GAS2: variants seen among roughly 807,000 people sequenced by gnomAD.
GAS2 encodes growth arrest-specific protein 2.
Under a neutral mutation model 37.5 loss-of-function variants are expected in GAS2, and 20 were observed. That is an observed-to-expected ratio of 0.53 (90% confidence interval 0.37 to 0.77). GAS2 has a LOEUF of 0.77. GAS2 is among the 30% of genes least tolerant of loss of function. The pLI is 0.00. For missense variants in GAS2, 336 were observed against 373.4 expected (o/e 0.90, Z 0.82); for synonymous variants, 144 against 132.2 (o/e 1.09, Z -0.61).
chr11:22,661,330 T>A (rs944918481), intron 1 of GAS2, among the ~76,000 whole-genome samples: 5 of 152,166 alleles, frequency 3.3e-5, no homozygotes, highest in Non-Finnish European at 7.3e-5. Context: ...TTATGATTTA[T>A]TTATTTATTT....
rs564970023 is a variant in GAS2, at chr11:22,788,364, G to A, written c.724-23434G>A. Among the ~76,000 whole-genome samples the A allele has an allele frequency of 7.2e-5, 11 of 152,222 alleles. No homozygotes were observed. The South Asian group carries it at 2.3e-3, about 32-fold the overall frequency. On this transcript the variant is annotated intron_variant, in intron 7 of 7. Transcript: ENST00000454584. ...TATAGAATAGGATTTTTCAAACTCAGGCTCTTGATATTTTGAATGAGATGA... is the reference window on the plus strand; with the variant it reads ...TATAGAATAGGATTTTTCAAACTCAAGCTCTTGATATTTTGAATGAGATGA...
chr11:22,735,733 C>T (rs958093804), intron 4 of GAS2, among the ~76,000 whole-genome samples: 1 of 151,666 alleles, frequency 6.6e-6, no homozygotes, highest in African/African-American at 2.4e-5. Flanking sequence ...GTTAAAGAAC[C>T]ATTATTATCA....
chr11:22,765,919 A>T lies in GAS2; in HGVS notation c.723+9966A>T, dbSNP rs568940735. ...GGAAGTTTCTATACACGGTGGAAGA[A>T]AAAGAGGGAGCAGGTACTTCACACG... On this transcript the variant is annotated intron_variant, in intron 7 of 7. Transcript: ENST00000454584. Among the ~76,000 whole-genome samples, 137 of 152,312 alleles carry T rather than the reference A, an allele frequency of 9.0e-4. 1 individual carries two copies. Among genetic ancestry groups the T allele is most frequent in the African/African-American group, 3.0e-3 (123 of 41,578 alleles).
rs1047356270 is a variant in GAS2, at chr11:22,728,609, C to T, written c.409+2176C>T. Among the ~76,000 whole-genome samples, 4 of 151,432 alleles carry T rather than the reference C, an allele frequency of 2.6e-5. No homozygotes were observed. In the South Asian group the frequency reaches 8.3e-4, roughly 32 times the overall value. ...TAAAAATTTAAAAATCTTTTGTAAACTTCTCAGTACCAAGTTAAATTAATT... is the reference window on the plus strand; with the variant it reads ...TAAAAATTTAAAAATCTTTTGTAAATTTCTCAGTACCAAGTTAAATTAATT... On this transcript the variant is annotated intron_variant, in intron 4 of 7. Transcript: ENST00000454584.
intron 7 of GAS2, among the ~76,000 whole-genome samples, chr11:22,773,050 A>C (rs1855068450): frequency 6.6e-6 from 1 of 152,114 alleles, no homozygotes; most frequent in African/African-American, 2.4e-5. Context: ...GTAGAGTGCT[A>C]AGAGGTTCAG....
At chr11:22,750,897 A>G (rs1853690684) in intron 6 of GAS2, among the ~76,000 whole-genome samples, 1 of 151,816 alleles carries the variant, frequency 6.6e-6, no homozygotes, top group Non-Finnish European at 1.5e-5. Flanking sequence ...ACCACTAAAG[A>G]GTATCTGGCT....
chr11:22,804,323 C>G (rs1479829649), intron 7 of GAS2, among the ~76,000 whole-genome samples: 1 of 152,084 alleles, frequency 6.6e-6, no homozygotes, highest in Non-Finnish European at 1.5e-5. Context: ...GCAGGCAATT[C>G]AGGAGACAGA....
chr11:22,741,334 G>A (rs1853067941), intron 5 of GAS2, among the ~76,000 whole-genome samples: 1 of 151,768 alleles, frequency 6.6e-6, no homozygotes. Context: ...CTGTGTAAAA[G>A]CAAGTTAATA....
intron 2 of GAS2, among the ~76,000 whole-genome samples, chr11:22,682,381 G>A (rs1849721810): frequency 6.6e-6 from 1 of 151,876 alleles, no homozygotes; most frequent in African/African-American, 2.4e-5. Context: ...TCTTCAAATT[G>A]CCATAGAACT....
At chr11:22,767,560 T>G (rs1395946899) in intron 7 of GAS2, among the ~76,000 whole-genome samples, 1 of 150,820 alleles carries the variant, frequency 6.6e-6, no homozygotes, top group Non-Finnish European at 1.5e-5. Context: ...TGATTTTTTT[T>G]GCAAAGGGGA....
At chr11:22,676,378 T>C (rs1429341459) in intron 2 of GAS2, among the ~76,000 whole-genome samples, 1 of 152,164 alleles carries the variant, frequency 6.6e-6, no homozygotes, top group East Asian at 1.9e-4. Context: ...ATTATTAAAT[T>C]TGAGCTATCA....
rs558291525 is a variant in GAS2, at chr11:22,811,952, A to C, written c.878A>C (p.Asp293Ala). The C allele has an allele frequency of 2.5e-5, 41 of 1,614,142 alleles. No homozygotes were observed. Among genetic ancestry groups the C allele is most frequent in the Admixed American group, 1.5e-4 (9 of 60,000 alleles). The change falls in exon 8 of 8, where the codon GAC (aspartate) becomes GCC (alanine). Residue 293 changes from aspartate (D) to alanine (A), a missense_variant. Physicochemically the swap from Asp to Ala is moderately radical, Grantham distance 126. Coordinates refer to ENST00000454584, the MANE Select transcript of GAS2 (RefSeq NM_001143830.3). ...PIQSKSPTLK[D>A]MNPDNYLVVS... ...CAAAGCAAATCTCCAACTCTAAAGG[A>C]CATGAATCCAGATAACTACTTGGTG... is the stretch of plus-strand genomic sequence containing the variant.
At chr11:22,769,327 A>G (rs960923351) in intron 7 of GAS2, among the ~76,000 whole-genome samples, 19 of 152,356 alleles carry the variant, frequency 1.2e-4, no homozygotes, top group Admixed American at 1.2e-3. Flanking sequence ...TAACATGTCC[A>G]ACCTTGAAGA....
At chr11:22,749,060 T>C in intron 5 of GAS2, 60 bp from the exon 6 acceptor site, 2 of 1,448,432 alleles carry the variant, frequency 1.4e-6, no homozygotes, top group Non-Finnish European at 1.9e-6. Context: ...TCACATGTAA[T>C]ATATGGTAAT....
chr11:22,629,884 C>G (rs1196792002), intron 1 of GAS2, among the ~76,000 whole-genome samples: 2 of 152,050 alleles, frequency 1.3e-5, no homozygotes, highest in Non-Finnish European at 2.9e-5. Flanking sequence ...ATCTTTGCCT[C>G]GGTCAGTGTC....
intron 7 of GAS2, among the ~76,000 whole-genome samples, chr11:22,805,613 G>T (rs910697788): frequency 6.6e-5 from 10 of 151,978 alleles, no homozygotes; most frequent in Non-Finnish European, 1.3e-4. Flanking sequence ...TTCCACATAT[G>T]AGTGAAATTG....
intron 5 of GAS2, among the ~76,000 whole-genome samples, chr11:22,741,457 G>GT (rs1245325382): frequency 2.0e-5 from 3 of 150,560 alleles, no homozygotes; most frequent in East Asian, 1.9e-4. Context: ...TATAATAGAA[G>GT]TAAAAAAAAA....
chr11:22,653,196 A>G (rs1848816667), intron 1 of GAS2, among the ~76,000 whole-genome samples: 1 of 151,138 alleles, frequency 6.6e-6, no homozygotes. Context: ...GCTTCTATAT[A>G]TAGTCAGAAT....
chr11:22,784,910 C>T (rs1473009429), intron 7 of GAS2, among the ~76,000 whole-genome samples: 1 of 152,068 alleles, frequency 6.6e-6, no homozygotes, highest in Non-Finnish European at 1.5e-5. Flanking sequence ...ATTTGAAGAC[C>T]ACTTTGCGTC....
Sources: allele counts gnomAD v4.1 joint callset (sites outside exome capture counted in the v4.1 genomes callset), GRCh38; gene constraint gnomAD v4.1.1; transcripts MANE v1.5; gene names NCBI Gene and HGNC (gene_info 2026-07-23, HGNC 2026-07-21).